Variants in CAMTA1 observed in about 807,000 individuals in gnomAD.
The protein encoded by CAMTA1 is calmodulin binding transcription activator 1, also known as calmodulin-binding transcription activator 1.
In CAMTA1, 27 loss-of-function variants were observed where a neutral mutation model predicts 170.9. That is an observed-to-expected ratio of 0.16 (90% CI 0.12 to 0.22). The LOEUF is 0.22. Ranked by LOEUF, CAMTA1 falls within the 10% of genes least tolerant of loss-of-function variation. The pLI is 1.00. For missense variants in CAMTA1, 1,619 were observed against 2,217.2 expected, an observed-to-expected ratio of 0.73 and a Z score of 5.42; for synonymous variants, 833 against 891.5, an observed-to-expected ratio of 0.93 and a Z score of 1.17.
Position 7,671,053 on chromosome 1 carries a change from C to A in CAMTA1, c.2779+16C>A. Reference sequence around the variant, plus strand: ...TACTGCCCAGGTGAGAAAGCCGCCCCCCAGGCCCCCAAGGTGAGTGTGATG... The same window carrying A: ...TACTGCCCAGGTGAGAAAGCCGCCCACCAGGCCCCCAAGGTGAGTGTGATG... On this transcript the variant is annotated intron_variant, in intron 10 of 22. Transcript: ENST00000303635. The A allele has an allele frequency of 6.2e-7, 1 of 1,612,200 alleles. No individual in the cohort carries two copies. The highest frequency in any genetic ancestry group is 8.5e-7 in the Non-Finnish European group (1 of 1,179,582).
At chr1:7,079,477 T>TC (rs1251240883) in intron 3 of CAMTA1, among the ~76,000 whole-genome samples, 1 of 151,580 alleles carries the variant, frequency 6.6e-6, no homozygotes, top group Non-Finnish European at 1.5e-5. Flanking sequence ...TAAAGATTTT[T>TC]TTTTTCTTTT....
intron 4 of CAMTA1, among the ~76,000 whole-genome samples, chr1:7,150,067 G>A (rs556626915): frequency 4.6e-5 from 7 of 152,282 alleles, no homozygotes; most frequent in Admixed American, 1.3e-4. Flanking sequence ...GCTGCTGTTC[G>A]GTCGCCCAGC....
chr1:7,281,045 T>C (rs1428191821), intron 5 of CAMTA1, among the ~76,000 whole-genome samples: 1 of 152,208 alleles, frequency 6.6e-6, no homozygotes, highest in Non-Finnish European at 1.5e-5. Context: ...TTGATGAACT[T>C]TCTGCAGAAA....
chr1:7,499,765 TTGTGAG>T (rs1428844949), intron 6 of CAMTA1, among the ~76,000 whole-genome samples: 1,919 of 107,738 alleles, frequency 0.018, 114 homozygotes, highest in African/African-American at 0.066. Context: ...TGTGAGCCTG[TTGTGAG>T]TGTGTGTGTC....
intron 22 of CAMTA1, among the ~76,000 whole-genome samples, 179 bp from the exon 23 acceptor site, chr1:7,766,280 C>T (rs562498876): frequency 2.6e-5 from 4 of 151,826 alleles, no homozygotes; most frequent in East Asian, 1.9e-4. Context: ...AGTAGGGTCA[C>T]GTCTTTCCTT....
At chr1:7,408,957 A>G (rs2090501527) in intron 5 of CAMTA1, among the ~76,000 whole-genome samples, 1 of 152,188 alleles carries the variant, frequency 6.6e-6, no homozygotes, top group East Asian at 1.9e-4. Context: ...TATGAAAGCA[A>G]CAGAGGCCAG....
At chr1:6,787,129 G>A (rs1477094317) in intron 1 of CAMTA1, among the ~76,000 whole-genome samples, 1 of 152,252 alleles carries the variant, frequency 6.6e-6, no homozygotes, top group Non-Finnish European at 1.5e-5. Context: ...TGTGGCTTCT[G>A]CTTCGCAGTC....
At chr1:7,313,089 A>G (rs1426332853) in intron 5 of CAMTA1, among the ~76,000 whole-genome samples, 7 of 152,060 alleles carry the variant, frequency 4.6e-5, no homozygotes, top group African/African-American at 1.7e-4. Flanking sequence ...CCCCAGAACT[A>G]CTATGAAGGA....
intron 5 of CAMTA1, among the ~76,000 whole-genome samples, chr1:7,407,072 C>A (rs997317904): frequency 6.6e-6 from 1 of 152,320 alleles, no homozygotes; most frequent in Non-Finnish European, 1.5e-5. Flanking sequence ...AGACATCAGG[C>A]GGCTGCTGAA....
rs915815850 is a variant in CAMTA1 at position 7,609,600 on chromosome 1, G to A, written c.511-30800G>A. 6.6e-6 allele frequency among the ~76,000 whole-genome samples: 1 copy of A among 152,184 alleles called. No individual in the cohort carries two copies. The highest frequency in any genetic ancestry group is 2.4e-5 in the African/African-American group (1 of 41,448). ...CCTCAGCCAGGCCATGGCACAAAAG[G>A]GGAGGGGAGCAGGGTCCTGGCTGTC... On this transcript the variant is annotated intron_variant, in intron 6 of 22. Transcript: ENST00000303635. This position sits in a 1 kb window ranked among gnomAD's most constrained non-coding sequence, Gnocchi z 4.4.
intron 6 of CAMTA1, among the ~76,000 whole-genome samples, chr1:7,623,264 TG>T (rs1426727401): frequency 1.3e-5 from 2 of 152,044 alleles, no homozygotes; most frequent in African/African-American, 4.8e-5. Context: ...AGAGCTAATC[TG>T]TTGAATGAAT....
In CAMTA1 at chr1:7,463,008, G is replaced by A. The variant is rs778735893; in HGVS notation, c.439-4822G>A. On this transcript the variant is annotated intron_variant, in intron 5 of 22. Transcript: ENST00000303635. This position sits in a 1 kb window ranked among gnomAD's most constrained non-coding sequence, Gnocchi z 4.7. ...GACCTGAGCTGGACTCCAGCTGAGC[G>A]GGGTCTTCGGAGGCAGCACAGGGAG... Among the ~76,000 whole-genome samples, 11 of 152,230 alleles carry A rather than the reference G, an allele frequency of 7.2e-5. No individual in the cohort carries two copies. The highest frequency in any genetic ancestry group is 1.5e-4 in the Non-Finnish European group (10 of 68,042).
intron 5 of CAMTA1, among the ~76,000 whole-genome samples, chr1:7,289,179 A>G (rs142200916): frequency 6.6e-6 from 1 of 152,236 alleles, no homozygotes; most frequent in Non-Finnish European, 1.5e-5. Flanking sequence ...CCATGATCCA[A>G]TCACCTCCCA....
intron 5 of CAMTA1, among the ~76,000 whole-genome samples, chr1:7,343,446 C>T (rs1479423140): frequency 6.6e-6 from 1 of 152,170 alleles, no homozygotes; most frequent in African/African-American, 2.4e-5. Flanking sequence ...CAGGTGTTTG[C>T]ATTTAAAACA....
rs761114730 is a variant in CAMTA1, at chr1:7,113,927, G to A, written c.302+22556G>A. On this transcript the variant is annotated intron_variant, in intron 4 of 22. Coordinates refer to ENST00000303635, the MANE Select transcript of CAMTA1 (RefSeq NM_015215.4). This position sits in a 1 kb window ranked among gnomAD's most constrained non-coding sequence, Gnocchi z 4.5. ...GAAACCTTGGCTTTGTGGCCGTATT[G>A]GTCTTTCTTTACATCATCGGCAAGC... Among the ~76,000 whole-genome samples the A allele has an allele frequency of 3.3e-5, 5 of 152,094 alleles. No homozygotes were observed. Among genetic ancestry groups the A allele is most frequent in the Non-Finnish European group, 7.4e-5 (5 of 68,026 alleles).
chr1:7,724,554 C>A (rs545649376), intron 11 of CAMTA1, among the ~76,000 whole-genome samples: 1 of 152,064 alleles, frequency 6.6e-6, no homozygotes, highest in Non-Finnish European at 1.5e-5. Flanking sequence ...ATGTATGGGC[C>A]GGGCGCGGTG....
intron 11 of CAMTA1, among the ~76,000 whole-genome samples, chr1:7,703,992 A>G (rs1577029742): frequency 1.3e-5 from 2 of 150,672 alleles, no homozygotes; most frequent in Admixed American, 6.6e-5. Flanking sequence ...CCAGCGCCGC[A>G]CCCCCTCCCC....
chr1:7,181,767 T>C (rs1406346997), intron 4 of CAMTA1, among the ~76,000 whole-genome samples: 1 of 84,822 alleles, frequency 1.2e-5, no homozygotes, highest in African/African-American at 6.6e-5. Context: ...TGATTTAACA[T>C]CATAAAAAAG....
At chr1:7,698,074 A>AACCCCCCC (rs2096395937) in intron 11 of CAMTA1, among the ~76,000 whole-genome samples, 1 of 98,586 alleles carries the variant, frequency 1.0e-5, no homozygotes. Context: ...ACGCACTGTG[A>AACCCCCCC]CCCCCCCCCC....
Sources: gnomAD v4.1 joint callset for allele counts (sites outside exome capture counted in the v4.1 genomes callset) on GRCh38, gnomAD v4.1.1 for gene constraint, Gnocchi (gnomAD v3.1) non-coding constraint, MANE v1.5 for transcripts, NCBI Gene and HGNC (gene_info 2026-07-23, HGNC 2026-07-21) for gene names.